RANBP17: variants seen among roughly 807,000 people sequenced by gnomAD.
RANBP17 encodes the protein ran-binding protein 17.
Under a neutral mutation model 141.2 loss-of-function variants are expected in RANBP17, and 158 were observed. That is an observed-to-expected ratio of 1.12 (90% CI 0.98 to 1.28). The LOEUF (loss-of-function observed/expected upper bound fraction) is 1.28, where lower values mean the gene tolerates loss of function less well. RANBP17 is among the 50% of genes most tolerant of loss of function. The pLI, the probability that RANBP17 is intolerant of heterozygous loss-of-function variation, is 0.00. For missense variants in RANBP17, 1,438 were observed against 1,290.7 expected (o/e 1.11, Z -1.75); for synonymous variants, 430 against 450.0 (o/e 0.96, Z 0.56).
At chr5:170,909,068 T>C (rs1391362445) in intron 5 of RANBP17, among the ~76,000 whole-genome samples, 1 of 151,882 alleles carries the variant, frequency 6.6e-6, no homozygotes, top group Non-Finnish European at 1.5e-5. Flanking sequence ...GTTAGAGGCC[T>C]AAGAGCTAGT....
chr5:170,976,099 A>G (rs947707417), intron 14 of RANBP17, among the ~76,000 whole-genome samples: 8 of 152,168 alleles, frequency 5.3e-5, no homozygotes, highest in African/African-American at 1.9e-4. Flanking sequence ...TGTATAGGAA[A>G]TCCTAAGGAT....
intron 14 of RANBP17, among the ~76,000 whole-genome samples, chr5:171,104,895 T>A (rs1754675024): frequency 6.6e-6 from 1 of 152,168 alleles, no homozygotes; most frequent in Non-Finnish European, 1.5e-5. Context: ...TTATCAACTT[T>A]GAATATAGTG....
rs1764989999 is a variant in RANBP17, at chr5:171,243,087, G to A, written c.2776+267G>A. 1.2e-5 allele frequency: 5 copies of A among 403,952 alleles called. No individual in the cohort carries two copies. In the Admixed American group the frequency reaches 2.1e-4, roughly 17 times the overall value. The allele number at this position is 403,952 out of a possible 1,614,324, so 25.0% of individuals were successfully genotyped here. A position where few individuals can be genotyped will look rare whatever the true frequency, so the allele number is the denominator to read the frequency against. ...TAAGTGGATAGTTCAGTGAGTCCTT[G>A]TACAAATGTGTACATGTACACAAAC... On this transcript the variant is annotated intron_variant, in intron 24 of 27. Coordinates refer to ENST00000523189, the MANE Select transcript of RANBP17 (RefSeq NM_022897.5).
At chr5:171,017,249 A>T (rs1202157136) in intron 14 of RANBP17, among the ~76,000 whole-genome samples, 1 of 152,218 alleles carries the variant, frequency 6.6e-6, no homozygotes, top group East Asian at 1.9e-4. Context: ...AATGATTTAT[A>T]TTCCTTTGGA....
intron 14 of RANBP17, among the ~76,000 whole-genome samples, chr5:171,148,037 C>G (rs1187313388): frequency 1.3e-5 from 2 of 152,118 alleles, no homozygotes; most frequent in Non-Finnish European, 2.9e-5. Flanking sequence ...TCATTTTGTT[C>G]TGCACTAAGA....
At chr5:171,115,425 G>C (rs1369230673) in intron 14 of RANBP17, among the ~76,000 whole-genome samples, 2 of 152,140 alleles carry the variant, frequency 1.3e-5, no homozygotes, top group Non-Finnish European at 2.9e-5. Context: ...AGTGGACACA[G>C]AGACTGTTCA....
intron 1 of RANBP17, among the ~76,000 whole-genome samples, chr5:170,871,989 C>T (rs1767768567): frequency 6.6e-6 from 1 of 152,074 alleles, no homozygotes; most frequent in African/African-American, 2.4e-5. Context: ...TTAGGATTGT[C>T]TTGGCTATGT....
Position 171,298,868 on chromosome 5 carries a change from T to G in RANBP17, c.*10T>G. 1.2e-6 allele frequency: 2 copies of G among 1,610,522 alleles called. No homozygotes were observed. ...CGACATGATGAGCTGACCCGACTTT[T>G]CTGACCATGTGCGGAGCAGCCTTTA... On this transcript the variant is annotated 3_prime_UTR_variant, in exon 28 of 28. Transcript: ENST00000523189.
chr5:170,872,484 A>G (rs920508017), intron 1 of RANBP17, among the ~76,000 whole-genome samples: 7 of 152,242 alleles, frequency 4.6e-5, no homozygotes, highest in South Asian at 2.1e-4. Context: ...GTCTCTTCCT[A>G]TTTGAATACC....
At chr5:171,088,097 TG>T (rs1581601047) in intron 14 of RANBP17, among the ~76,000 whole-genome samples, 1 of 152,038 alleles carries the variant, frequency 6.6e-6, no homozygotes, top group East Asian at 1.9e-4. Context: ...TTGCAGCGGC[TG>T]GTACCGGTTG....
At position 171,065,723 on chromosome 5, in the gene RANBP17, T is replaced by G. The variant is rs1328488897; in HGVS notation, c.1710+97346T>G. Among the ~76,000 whole-genome samples the G allele has an allele frequency of 2.0e-5, 3 of 152,320 alleles. No individual in the cohort carries two copies. In the East Asian group the frequency reaches 5.8e-4, roughly 29 times the overall value. On this transcript the variant is annotated intron_variant, in intron 14 of 27. Transcript: ENST00000523189. ...TATTTTATTCCATTGATTTGATAGC[T>G]TATTCTTGTGCCAGTACCATACTGT...
In RANBP17 at chr5:170,955,681, T is replaced by TATAC. The variant is rs769742239; in HGVS notation, c.1574+1980_1574+1981insTACA. ...ATATATATATATATATATATATATA[T>TATAC]ACACTGAATGAACTCTGTAGAGGAA... On this transcript the variant is annotated intron_variant, in intron 13 of 27. Coordinates refer to ENST00000523189, the MANE Select transcript of RANBP17 (RefSeq NM_022897.5). Among the ~76,000 whole-genome samples the TATAC allele has an allele frequency of 4.6e-4, 18 of 39,088 alleles. 1 individual carries two copies. The highest frequency in any genetic ancestry group is 6.8e-4 in the African/African-American group (9 of 13,246). The allele number at this position is 39,088 out of a possible 152,430, so 25.6% of individuals were successfully genotyped here.
At chr5:170,865,804 G>A (rs991763569) in intron 1 of RANBP17, among the ~76,000 whole-genome samples, 1 of 152,134 alleles carries the variant, frequency 6.6e-6, no homozygotes. Flanking sequence ...AGAATTCACC[G>A]AAAGTTGTCA....
chr5:170,882,861 A>G (rs1434369370), intron 3 of RANBP17, among the ~76,000 whole-genome samples: 1 of 152,192 alleles, frequency 6.6e-6, no homozygotes, highest in African/African-American at 2.4e-5. Flanking sequence ...CTTGCATTTC[A>G]TATGGACAAA....
chr5:171,063,082 TA>T (rs1784018555), intron 14 of RANBP17, among the ~76,000 whole-genome samples: 1 of 151,740 alleles, frequency 6.6e-6, no homozygotes, highest in East Asian at 1.9e-4. Context: ...TCAAAGTTTT[TA>T]ACTTCTTTGC....
chr5:171,148,068 T>A (rs947164831), intron 14 of RANBP17, among the ~76,000 whole-genome samples: 2 of 152,106 alleles, frequency 1.3e-5, no homozygotes, highest in Non-Finnish European at 2.9e-5. Context: ...TGCCTTGGGA[T>A]CCTGTTGATC....
At chr5:171,062,662 A>G (rs192488414) in intron 14 of RANBP17, among the ~76,000 whole-genome samples, 3 of 152,200 alleles carry the variant, frequency 2.0e-5, no homozygotes, top group Admixed American at 1.3e-4. Flanking sequence ...CTCGAGGGGT[A>G]TCTTTGTAGC....
chr5:171,118,125 G>A (rs556828499), intron 14 of RANBP17, among the ~76,000 whole-genome samples: 19 of 152,008 alleles, frequency 1.2e-4, no homozygotes, highest in Non-Finnish European at 2.5e-4. Context: ...ATTGTTTTAG[G>A]TCTTACATTT....
At chr5:170,878,063 T>C in intron 1 of RANBP17, 34 bp from the exon 2 acceptor site, 1 of 1,489,292 alleles carries the variant, frequency 6.7e-7, no homozygotes, top group Non-Finnish European at 9.1e-7. Flanking sequence ...ATTTTTTTCA[T>C]TGAAGTAAAA....
Sources: allele counts gnomAD v4.1 joint callset (sites outside exome capture counted in the v4.1 genomes callset), GRCh38; gene constraint gnomAD v4.1.1; transcripts MANE v1.5; gene names NCBI Gene and HGNC (gene_info 2026-07-23, HGNC 2026-07-21).